METAP2: variants seen among roughly 807,000 people sequenced by gnomAD.
METAP2 encodes methionine aminopeptidase 2.
A neutral mutation model predicts 59.4 loss-of-function variants in METAP2; 25 were observed. The ratio of observed to expected loss-of-function variants is 0.42; its 90% CI spans 0.31 to 0.59. The LOEUF (loss-of-function observed/expected upper bound fraction) is 0.59. Ranked by LOEUF, METAP2 falls within the 20% of genes least tolerant of loss-of-function variation. The pLI is 0.16. For missense variants in METAP2, 366 were observed against 581.2 expected (o/e 0.63, Z 3.81); for synonymous variants, 214 against 194.1 (o/e 1.10, Z -0.85).
intron 4 of METAP2, among the ~76,000 whole-genome samples, chr12:95,489,043 G>A (rs1022672838): frequency 3.9e-5 from 6 of 152,014 alleles, no homozygotes; most frequent in African/African-American, 9.7e-5. Flanking sequence ...ATTTTTTCCA[G>A]GTAGGTTCTA....
intron 8 of METAP2, among the ~76,000 whole-genome samples, chr12:95,509,847 C>CT (rs1210964780): frequency 0.019 from 2,548 of 131,574 alleles, 71 homozygotes; most frequent in East Asian, 0.075. Flanking sequence ...CCCCCCCAAC[C>CT]TTTTTTTTTT....
chr12:95,503,257 C>T (rs1483652066), intron 7 of METAP2, among the ~76,000 whole-genome samples: 1 of 152,146 alleles, frequency 6.6e-6, no homozygotes, highest in Non-Finnish European at 1.5e-5. Flanking sequence ...TAACCAATCT[C>T]TGCCAAGGAT....
intron 8 of METAP2, among the ~76,000 whole-genome samples, chr12:95,509,853 T>G (rs1387999493): frequency 6.7e-6 from 1 of 149,424 alleles, no homozygotes; most frequent in Non-Finnish European, 1.5e-5. Flanking sequence ...CAACCTTTTT[T>G]TTTTTTTTTT....
intron 2 of METAP2, among the ~76,000 whole-genome samples, chr12:95,477,497 G>A (rs1044079851): frequency 2.0e-5 from 3 of 152,164 alleles, no homozygotes; most frequent in Admixed American, 6.5e-5. Flanking sequence ...CTCCTTCTGG[G>A]TGTTTGGGTA....
intron 10 of METAP2, 42 bp downstream of exon 10, chr12:95,512,958 C>G (rs774484167): frequency 8.7e-7 from 1 of 1,150,470 alleles, no homozygotes; most frequent in East Asian, 2.4e-5. Flanking sequence ...TAATTAGCAT[C>G]TCTTCTGAGT....
At chr12:95,498,132 C>CA (rs550768555) in intron 7 of METAP2, among the ~76,000 whole-genome samples, 14,217 of 123,374 alleles carry the variant, frequency 0.12, 764 homozygotes, top group African/African-American at 0.14. Context: ...GACTCCATCT[C>CA]AAAAAAAAAA....
At chr12:95,508,178 T>C (rs1287421891) in intron 8 of METAP2, among the ~76,000 whole-genome samples, 2 of 152,202 alleles carry the variant, frequency 1.3e-5, no homozygotes, top group Admixed American at 6.5e-5. Flanking sequence ...CTATGTTCCT[T>C]AGTAAGGGTA....
At chr12:95,497,052 T>C (rs1391904384) in intron 7 of METAP2, among the ~76,000 whole-genome samples, 6 of 152,134 alleles carry the variant, frequency 3.9e-5, no homozygotes, top group Non-Finnish European at 8.8e-5. Flanking sequence ...CTCAAACTCC[T>C]GATCTCAAGT....
chr12:95,488,903 T>A (rs1172598643), intron 4 of METAP2, among the ~76,000 whole-genome samples: 2 of 151,160 alleles, frequency 1.3e-5, no homozygotes, highest in African/African-American at 4.9e-5. Context: ...CACACACAAA[T>A]GTCCTTGTTA....
chr12:95,500,979 A>C (rs1022897235), intron 7 of METAP2, among the ~76,000 whole-genome samples: 2 of 150,008 alleles, frequency 1.3e-5, no homozygotes, highest in East Asian at 3.9e-4. Context: ...AGTGGAAGCC[A>C]TCAGGTTCAA....
At position 95,494,110 on chromosome 12, in the gene METAP2, A is replaced by C. The variant is rs200594182; in HGVS notation, c.483A>C (p.Ala161=). The part of the protein sequence containing the change: ...TSEEKKALDQ[A]SEEIWNDFRE... ...AAGAAAAGAAAGCATTAGATCAGGC[A>C]AGTGAAGAGATTTGGAATGATTTTC... The change falls in exon 5 of 11, where the codon GCA becomes GCC. Residue 161 remains alanine, a synonymous_variant. Transcript: ENST00000323666. 126 of 1,613,946 alleles carry C rather than the reference A, an allele frequency of 7.8e-5. No individual in the cohort carries two copies. The Middle Eastern group carries it at 8.2e-4, about 11-fold the overall frequency.
intron 4 of METAP2, among the ~76,000 whole-genome samples, chr12:95,489,337 G>A (rs886613735): frequency 2.0e-5 from 3 of 152,096 alleles, no homozygotes; most frequent in African/African-American, 7.2e-5. Flanking sequence ...AATAACTTCT[G>A]TTTTTGAAAT....
intron 4 of METAP2, among the ~76,000 whole-genome samples, chr12:95,487,920 T>A (rs2076209501): frequency 6.6e-6 from 1 of 152,238 alleles, no homozygotes; most frequent in Non-Finnish European, 1.5e-5. Flanking sequence ...GGCCATTTGC[T>A]TTGTCTGCAA....
rs775968313 is a variant in METAP2 at position 95,504,167 on chromosome 12, T to C, written c.964+6T>C. ...AGATGGGAAGACATATCAAGGTATG[T>C]TCTTTTAAAATATATCTTATTTTGA... On this transcript the variant is annotated splice_donor_region_variant and intron_variant, in intron 8 of 10. Coordinates refer to ENST00000323666, the MANE Select transcript of METAP2 (RefSeq NM_006838.4). The C allele has an allele frequency of 1.3e-5, 21 of 1,555,902 alleles. No individual in the cohort carries two copies. The Middle Eastern group carries it at 6.7e-4, about 50-fold the overall frequency.
At chr12:95,485,105 A>G (rs2076186285) in intron 3 of METAP2, among the ~76,000 whole-genome samples, 2 of 152,354 alleles carry the variant, frequency 1.3e-5, no homozygotes, top group Middle Eastern at 3.4e-3. Context: ...ATAGTTTTAT[A>G]TAATGACTTG....
chr12:95,496,972 G>T (rs900582386), intron 7 of METAP2, among the ~76,000 whole-genome samples: 1 of 151,622 alleles, frequency 6.6e-6, no homozygotes, highest in Non-Finnish European at 1.5e-5. Flanking sequence ...TTACAGGCAC[G>T]CACAACCACT....
At chr12:95,483,412 A>T in intron 3 of METAP2, 132 bp downstream of exon 3, 1 of 482,090 alleles carries the variant, frequency 2.1e-6, no homozygotes, top group Non-Finnish European at 3.8e-6. Flanking sequence ...AGAGACGGAG[A>T]TTGCAGTAAG....
At chr12:95,500,805 A>C (rs61939476) in intron 7 of METAP2, among the ~76,000 whole-genome samples, 6,909 of 152,232 alleles carry the variant, frequency 0.045, 218 homozygotes, top group Non-Finnish European at 0.067. Flanking sequence ...ATTTTGCATC[A>C]GTGTTCATTA....
chr12:95,475,991 G>A (rs2076115413), intron 1 of METAP2, 80 bp from the exon 2 acceptor site: 3 of 808,134 alleles, frequency 3.7e-6, no homozygotes, highest in South Asian at 3.7e-5. Context: ...GGATTTGTAA[G>A]TTTTCCAAGA....
Sources: allele counts gnomAD v4.1 joint callset (sites outside exome capture counted in the v4.1 genomes callset), GRCh38; gene constraint gnomAD v4.1.1; transcripts MANE v1.5; gene names NCBI Gene and HGNC (gene_info 2026-07-23, HGNC 2026-07-21).